The following FUBP1 variants were observed in gnomAD, a reference collection of about 807,000 sequenced individuals.
The protein encoded by FUBP1 is far upstream element-binding protein 1.
Under a neutral mutation model 94.9 loss-of-function variants are expected in FUBP1, and 16 were observed. The ratio of observed to expected loss-of-function variants is 0.17; its 90% CI spans 0.11 to 0.26. The LOEUF is 0.26. Among genes scored for constraint, FUBP1 ranks in the 10% least tolerant of loss-of-function variants. FUBP1 has a pLI of 1.00. For synonymous variants in FUBP1, 279 were observed against 254.9 expected (o/e 1.09, Z -0.90); for missense variants, 583 against 808.6 (o/e 0.72, Z 3.38).
Position 77,962,796 on chromosome 1 carries a change from G to A in FUBP1, c.1318C>T (p.Arg440Trp), listed in dbSNP as rs1480810494. The A allele has an allele frequency of 2.5e-6, 4 of 1,611,136 alleles. No homozygotes were observed. Among genetic ancestry groups the A allele is most frequent in the Non-Finnish European group, 8.5e-7 (1 of 1,177,816 alleles). The change falls in exon 14 of 20, where the codon CGG becomes TGG. Residue 440 changes from arginine to tryptophan, a missense_variant. By Grantham distance (101) the Arg-to-Trp change is moderately radical. Transcript: ENST00000370768. ...RGTPQQIDYARQLIEEKIGGP... is the reference protein window; with the variant it reads ...RGTPQQIDYAWQLIEEKIGGP... ...CCAATCTTTTCTTCTATGAGTTGCC[G>A]AGCATAGTCTATCTGTTGTGGAGTG...
At chr1:77,964,824 C>G in intron 9 of FUBP1, 46 bp downstream of exon 9, 1 of 1,494,770 alleles carries the variant, frequency 6.7e-7, no homozygotes, top group Non-Finnish European at 9.3e-7. Flanking sequence ...TTTGCCCAAC[C>G]CCATTCAACC....
intron 1 of FUBP1, among the ~76,000 whole-genome samples, chr1:77,974,799 TAAG>T (rs1658297651): frequency 6.6e-6 from 1 of 152,240 alleles, no homozygotes; most frequent in African/African-American, 2.4e-5. Context: ...CCTCCGAGGT[TAAG>T]AACAGACTAT....
chr1:77,970,373 A>G (rs112889702), intron 1 of FUBP1, among the ~76,000 whole-genome samples: 2 of 152,302 alleles, frequency 1.3e-5, no homozygotes, highest in African/African-American at 4.8e-5. Flanking sequence ...ACTTTGTGGG[A>G]CTCAAAGGCT....
At position 77,948,701 on chromosome 1, in the gene FUBP1, C is replaced by A; in HGVS notation, c.*65G>T. The A allele has an allele frequency of 6.4e-7, 1 of 1,574,270 alleles. No homozygotes were observed. The highest frequency in any genetic ancestry group is 1.2e-5 in the South Asian group (1 of 82,546). ...AGATCTTCATCAAGTCGTCTGCATC[C>A]ATATATTTAACAAAGGTTTTTTTCC... On this transcript the variant is annotated 3_prime_UTR_variant, in exon 20 of 20. Coordinates refer to ENST00000370768, the MANE Select transcript of FUBP1 (RefSeq NM_003902.5).
chr1:77,973,966 A>G (rs1342694905), intron 1 of FUBP1, among the ~76,000 whole-genome samples: 1 of 152,052 alleles, frequency 6.6e-6, no homozygotes, highest in Admixed American at 6.5e-5. Context: ...CTGTTGCCCA[A>G]GGATGTAGTG....
intron 16 of FUBP1, 59 bp downstream of exon 16, chr1:77,960,125 A>G (rs957918023): frequency 1.7e-6 from 2 of 1,206,410 alleles, no homozygotes; most frequent in Non-Finnish European, 2.4e-6. Context: ...AGAAAATTTA[A>G]TAATGTAACA....
intron 18 of FUBP1, among the ~76,000 whole-genome samples, chr1:77,950,464 A>G (rs556177260): frequency 6.6e-6 from 1 of 152,288 alleles, no homozygotes; most frequent in South Asian, 2.1e-4. Context: ...CCAGACATTG[A>G]GTTTATTTAG....
chr1:77,966,621 AAAGAG>A (rs2102416070), intron 7 of FUBP1, 68 bp downstream of exon 7: 2 of 807,428 alleles, frequency 2.5e-6, no homozygotes, highest in Non-Finnish European at 2.2e-6. Flanking sequence ...AAGCAGTAAC[AAAGAG>A]AAGAGACAAA....
At chr1:77,955,045 C>A (rs1043396577) in intron 18 of FUBP1, among the ~76,000 whole-genome samples, 5 of 152,074 alleles carry the variant, frequency 3.3e-5, no homozygotes, top group Non-Finnish European at 7.4e-5. Context: ...CCAGTAAGGA[C>A]ATTTCTAGTT....
At chr1:77,956,180 TTGAAGA>T (rs1654429269) in intron 17 of FUBP1, among the ~76,000 whole-genome samples, 1 of 152,220 alleles carries the variant, frequency 6.6e-6, no homozygotes, top group Admixed American at 6.5e-5. Context: ...TTATGTATTT[TTGAAGA>T]AGTACCCAAC....
chr1:77,955,262 C>T lies in FUBP1; in HGVS notation c.1773G>A (p.Lys591=). 5 of 1,373,302 alleles carry T rather than the reference C, an allele frequency of 3.6e-6. No homozygotes were observed. Among genetic ancestry groups the T allele is most frequent in the Non-Finnish European group, 5.2e-6 (5 of 960,588 alleles). 85.1% of individuals were successfully genotyped at this position (1,373,302 alleles called of 1,614,324 possible). ...DYTKAWEEYY[K]KMGQAVPAPT... The stretch of plus-strand genomic sequence containing the variant: ...GAAATGTATAAAACATACCCATTTT[C>T]TTGTAGTACTCTTCCCAAGCCTTGG... Residue 591 remains lysine, a synonymous_variant, in exon 18 of 20, where the codon AAG becomes AAA. Coordinates refer to ENST00000370768, the MANE Select transcript of FUBP1 (RefSeq NM_003902.5).
chr1:77,976,262 A>G (rs763859828), intron 1 of FUBP1, among the ~76,000 whole-genome samples: 4 of 152,252 alleles, frequency 2.6e-5, no homozygotes, highest in African/African-American at 7.2e-5. Context: ...ATATCATCAG[A>G]GTAACAGCTA....
intron 1 of FUBP1, among the ~76,000 whole-genome samples, chr1:77,977,359 C>A (rs1015523332): frequency 5.3e-5 from 8 of 151,652 alleles, no homozygotes; most frequent in African/African-American, 9.7e-5. Context: ...AACAAACAAA[C>A]AAAAAAAACA....
intron 2 of FUBP1, among the ~76,000 whole-genome samples, chr1:77,968,663 A>G (rs553032639): frequency 6.6e-6 from 1 of 151,314 alleles, no homozygotes; most frequent in Non-Finnish European, 1.5e-5. Context: ...AAACAAAAAA[A>G]CCCCCCACAA....
In FUBP1 at chr1:77,945,439, A is replaced by G. The variant is rs1042151037; in HGVS notation, c.*3327T>C. 1 of 212,628 alleles carries G rather than the reference A, an allele frequency of 4.7e-6. No individual in the cohort carries two copies. The highest frequency in any genetic ancestry group is 2.3e-5 in the African/African-American group (1 of 44,258). The allele number at this position is 212,628 out of a possible 1,614,324, so 13.2% of individuals were successfully genotyped here. A position where few individuals can be genotyped will look rare whatever the true frequency, so the allele number is the denominator to read the frequency against. On this transcript the variant is annotated 3_prime_UTR_variant, in exon 20 of 20. Coordinates refer to ENST00000370768, the MANE Select transcript of FUBP1 (RefSeq NM_003902.5). ...AAAAGTGATCAAAAGCAGGTACATT[A>G]CACCCTATACCATATTATGTATGGG... is the stretch of plus-strand genomic sequence containing the variant.
intron 18 of FUBP1, among the ~76,000 whole-genome samples, chr1:77,952,274 T>C (rs564789772): frequency 2.0e-5 from 3 of 151,438 alleles, no homozygotes; most frequent in Non-Finnish European, 4.4e-5. Context: ...AATAAAAATT[T>C]ATCCTCTTAG....
chr1:77,963,492 T>C (rs1430776350), intron 13 of FUBP1, 82 bp downstream of exon 13: 2 of 720,370 alleles, frequency 2.8e-6, no homozygotes, highest in South Asian at 2.1e-5. Context: ...GAAAAAGCAT[T>C]GCCACTTGTT....
intron 2 of FUBP1, chr1:77,969,057 G>T: frequency 7.8e-7 from 1 of 1,287,328 alleles, no homozygotes; most frequent in Non-Finnish European, 1.0e-6. Context: ...CCAGTGTGTT[G>T]TACTGCTCGG....
At chr1:77,956,390 A>T (rs1654463307) in intron 17 of FUBP1, among the ~76,000 whole-genome samples, 182 bp downstream of exon 17, 1 of 152,228 alleles carries the variant, frequency 6.6e-6, no homozygotes, top group South Asian at 2.1e-4. Flanking sequence ...TGCTCCGGGT[A>T]TTCTTCTTAC....
Sources: gnomAD v4.1 joint callset for allele counts (sites outside exome capture counted in the v4.1 genomes callset) on GRCh38, gnomAD v4.1.1 for gene constraint, MANE v1.5 for transcripts, NCBI Gene and HGNC (gene_info 2026-07-23, HGNC 2026-07-21) for gene names.